The following UNC5D variants were observed in gnomAD, a reference collection of about 807,000 sequenced individuals.
The protein encoded by UNC5D is netrin receptor UNC5D.
A neutral mutation model predicts 105.4 loss-of-function variants in UNC5D; 39 were observed. The observed-to-expected ratio is 0.37, with a 90% CI of 0.29 to 0.48. The LOEUF is 0.48. UNC5D is among the 20% of genes least tolerant of loss of function. The pLI is 0.98. For synonymous variants in UNC5D, 452 were observed against 450.4 expected (o/e 1.00, Z -0.04); for missense variants, 991 against 1,202.4 (o/e 0.82, Z 2.60).
At chr8:35,386,162 A>C (rs1225989802) in intron 1 of UNC5D, among the ~76,000 whole-genome samples, 1 of 152,142 alleles carries the variant, frequency 6.6e-6, no homozygotes, top group Non-Finnish European at 1.5e-5. Context: ...CTTTTCAGTA[A>C]AAATTTCTAG....
At chr8:35,369,639 CT>C (rs1278081597) in intron 1 of UNC5D, among the ~76,000 whole-genome samples, 1 of 152,116 alleles carries the variant, frequency 6.6e-6, no homozygotes, top group Non-Finnish European at 1.5e-5. Context: ...CTGTGGAGCT[CT>C]TTTTTCTCTT....
At chr8:35,767,218 T>A in intron 15 of UNC5D, 152 bp downstream of exon 15, 1 of 1,042,252 alleles carries the variant, frequency 9.6e-7, no homozygotes. Flanking sequence ...AAAATAAGCT[T>A]TGTCGCATGC....
At chr8:35,655,733 A>G (rs1469344353) in intron 4 of UNC5D, among the ~76,000 whole-genome samples, 1 of 152,224 alleles carries the variant, frequency 6.6e-6, no homozygotes. Flanking sequence ...GAATAGCCAG[A>G]TGGAGAAGAA....
chr8:35,305,589 CTT>C (rs111704053), intron 1 of UNC5D, among the ~76,000 whole-genome samples: 32 of 61,640 alleles, frequency 5.2e-4, no homozygotes, highest in African/African-American at 1.4e-3. Context: ...TTCTTTCTTT[CTT>C]TCTTTCTTTC....
intron 4 of UNC5D, among the ~76,000 whole-genome samples, chr8:35,661,527 T>C (rs1824103882): frequency 6.6e-6 from 1 of 152,320 alleles, no homozygotes; most frequent in South Asian, 2.1e-4. Flanking sequence ...AATGATTCGC[T>C]TTTCTTCCTG....
At chr8:35,274,301 A>G (rs1805622386) in intron 1 of UNC5D, among the ~76,000 whole-genome samples, 1 of 152,230 alleles carries the variant, frequency 6.6e-6, no homozygotes, top group East Asian at 1.9e-4. Flanking sequence ...ATGATTTAGC[A>G]AATCTCTAGA....
intron 4 of UNC5D, among the ~76,000 whole-genome samples, chr8:35,641,366 C>CAAAAAAAAAAAAAAAAAAAAAAAAAAAA (rs377021599): frequency 4.3e-4 from 19 of 44,280 alleles, no homozygotes; most frequent in East Asian, 8.5e-4. Context: ...AAAAATAAAG[C>CAAAAAAAAAAAAAAAAAAAAAAAAAAAA]AAAAAAAAAA....
chr8:35,670,206 G>A (rs1824688502), intron 4 of UNC5D, among the ~76,000 whole-genome samples: 1 of 152,116 alleles, frequency 6.6e-6, no homozygotes, highest in Non-Finnish European at 1.5e-5. Flanking sequence ...AGATCAATGT[G>A]CACTGGATGT....
chr8:35,440,530 G>A (rs1313449470), intron 1 of UNC5D, among the ~76,000 whole-genome samples: 1 of 151,894 alleles, frequency 6.6e-6, no homozygotes, highest in Non-Finnish European at 1.5e-5. Flanking sequence ...GCATCTTCCT[G>A]ATGAATATAT....
chr8:35,495,287 A>G (rs1252615438), intron 1 of UNC5D, among the ~76,000 whole-genome samples: 2 of 152,044 alleles, frequency 1.3e-5, no homozygotes, highest in African/African-American at 4.8e-5. Flanking sequence ...TTTGGAGTGT[A>G]AGCATTTGTA....
intron 1 of UNC5D, among the ~76,000 whole-genome samples, chr8:35,271,732 T>G (rs1805402082): frequency 8.0e-6 from 1 of 125,758 alleles, no homozygotes; most frequent in East Asian, 2.2e-4. Flanking sequence ...TATACATGTA[T>G]ACATATATAT....
At chr8:35,732,703 C>G (rs1439408079) in intron 11 of UNC5D, among the ~76,000 whole-genome samples, 1 of 152,112 alleles carries the variant, frequency 6.6e-6, no homozygotes, top group Non-Finnish European at 1.5e-5. Flanking sequence ...TCACAGCTTC[C>G]TACACACTCC....
intron 4 of UNC5D, among the ~76,000 whole-genome samples, chr8:35,614,569 A>C (rs1413519069): frequency 1.3e-5 from 2 of 152,158 alleles, no homozygotes; most frequent in Non-Finnish European, 2.9e-5. Context: ...CACTCTAAAA[A>C]AAAAAGTGAG....
chr8:35,394,014 TCTCA>T (rs2128943587), intron 1 of UNC5D, among the ~76,000 whole-genome samples: 2 of 152,250 alleles, frequency 1.3e-5, no homozygotes, highest in African/African-American at 4.8e-5. Flanking sequence ...TTTTTCTCTC[TCTCA>T]CTCGTTTTGG....
intron 1 of UNC5D, among the ~76,000 whole-genome samples, chr8:35,355,451 A>G (rs1302899254): frequency 2.0e-5 from 3 of 152,114 alleles, no homozygotes; most frequent in Non-Finnish European, 2.9e-5. Flanking sequence ...GCAGCCTATT[A>G]TAATCTAACC....
intron 1 of UNC5D, among the ~76,000 whole-genome samples, chr8:35,330,323 T>C (rs1365142086): frequency 6.6e-6 from 1 of 152,256 alleles, no homozygotes; most frequent in Non-Finnish European, 1.5e-5. Context: ...GGCTTACATT[T>C]ATGCCTCTTT....
At position 35,732,005 on chromosome 8, in the gene UNC5D, T is replaced by C. The variant is rs1312719439; in HGVS notation, c.1766+909T>C. Among the ~76,000 whole-genome samples, 7 of 152,304 alleles carry C rather than the reference T, an allele frequency of 4.6e-5. No homozygotes were observed. The South Asian group carries it at 1.5e-3, about 32-fold the overall frequency. On this transcript the variant is annotated intron_variant, in intron 11 of 16. Coordinates refer to ENST00000404895, the MANE Select transcript of UNC5D (RefSeq NM_080872.4). ...TGCAAGTATAATATTTTTGGAAATG[T>C]TGTCTTCCTCCACACAAGATAAACC...
At chr8:35,724,220 C>A in intron 9 of UNC5D, 2 of 1,522,708 alleles carry the variant, frequency 1.3e-6, no homozygotes, top group Non-Finnish European at 1.8e-6. Flanking sequence ...ACCAAACTTA[C>A]CTGACCATTT....
chr8:35,610,939 T>C (rs1259487318), intron 4 of UNC5D, among the ~76,000 whole-genome samples: 1 of 148,350 alleles, frequency 6.7e-6, no homozygotes, highest in East Asian at 2.0e-4. Flanking sequence ...TTAGCCACTC[T>C]GACCCTCAGT....
Sources: allele counts gnomAD v4.1 joint callset (sites outside exome capture counted in the v4.1 genomes callset), GRCh38; gene constraint gnomAD v4.1.1; transcripts MANE v1.5; gene names NCBI Gene and HGNC (gene_info 2026-07-23, HGNC 2026-07-21).